The following CCNJL variants were observed in gnomAD, a reference collection of about 807,000 sequenced individuals.
CCNJL encodes cyclin-J-like protein.
A neutral mutation model predicts 33.4 loss-of-function variants in CCNJL; 33 were observed. That is an observed-to-expected ratio of 0.99 (90% CI 0.75 to 1.32). The LOEUF is 1.32. CCNJL is among the 40% of genes most tolerant of loss of function. CCNJL has a pLI of 0.00. For synonymous variants in CCNJL, 227 were observed against 220.9 expected (o/e 1.03, Z -0.24); for missense variants, 512 against 499.7 (o/e 1.02, Z -0.23).
intron 2 of CCNJL, 117 bp downstream of exon 2, chr5:160,311,741 G>A: frequency 2.1e-6 from 2 of 930,596 alleles, no homozygotes; most frequent in South Asian, 2.7e-5. Flanking sequence ...AAGGGTAAGA[G>A]GAAAAAAAGG....
At chr5:160,288,829 TAA>T (rs33916362) in intron 2 of CCNJL, among the ~76,000 whole-genome samples, 1,724 of 89,464 alleles carry the variant, frequency 0.019, 12 homozygotes, top group East Asian at 0.062. Context: ...AGACTCTGTC[TAA>T]AAAAAAAAAA....
intron 4 of CCNJL, 74 bp from the exon 5 acceptor site, chr5:160,255,782 T>C (rs537691337): frequency 4.5e-6 from 6 of 1,321,916 alleles, no homozygotes; most frequent in East Asian, 4.6e-5. Context: ...TGAGAATGGA[T>C]GGACAAATGA....
chr5:160,293,873 T>G (rs1339337135), intron 2 of CCNJL, among the ~76,000 whole-genome samples: 1 of 152,078 alleles, frequency 6.6e-6, no homozygotes, highest in African/African-American at 2.4e-5. Flanking sequence ...CAGCTCAAGG[T>G]GCAGTAAAGC....
rs1364139143 is a variant in CCNJL, at chr5:160,255,636, T to G, written c.656A>C (p.Gln219Pro). Residue 219 changes from glutamine to proline, a missense_variant, in exon 5 of 6, where the codon CAG (glutamine) becomes CCG (proline). By Grantham distance (76) the Gln-to-Pro change is moderately conservative. Transcript: ENST00000257536. ...GTCTCTGGTCCAGTAGGGAGAAAGC[T>G]GCAGGCAAATCCTGGAGGCCCCAAC... ...ACVGASRICLQLSPYWTRDLQ... is the reference protein window; with the variant it reads ...ACVGASRICLPLSPYWTRDLQ... 6.2e-7 allele frequency: 1 copy of G among 1,614,096 alleles called. No homozygotes were observed. Among genetic ancestry groups the G allele is most frequent in the South Asian group, 1.1e-5 (1 of 91,076 alleles).
At chr5:160,326,876 CA>C in intron 1 of CCNJL, 3 of 688,232 alleles carry the variant, frequency 4.4e-6, no homozygotes, top group Non-Finnish European at 8.3e-6. Context: ...TTAGATGATA[CA>C]GAAGAGATTC....
rs1763435248 is a variant in CCNJL, at chr5:160,320,822, T to TTTCC, written n.207-5318_207-5317insGGAA. On this transcript the variant is annotated intron_variant and non_coding_transcript_variant, in intron 1 of 7. Transcript: ENST00000377503. ...CTTTCTTTCTTTCTTTCTTTCTTTC[T>TTTCC]TTCTTTCTTTCTTTCTTTCTTTCTT... is the stretch of plus-strand genomic sequence containing the variant. 7.1e-5 allele frequency among the ~76,000 whole-genome samples: 8 copies of TTTCC among 113,290 alleles called. 1 individual carries two copies. Among genetic ancestry groups the TTTCC allele is most frequent in the African/African-American group, 2.9e-4 (8 of 27,204 alleles). The allele number at this position is 113,290 out of a possible 152,430, so 74.3% of individuals were successfully genotyped here.
intron 2 of CCNJL, among the ~76,000 whole-genome samples, chr5:160,287,605 C>A (rs1250212381): frequency 2.0e-5 from 3 of 152,218 alleles, no homozygotes; most frequent in African/African-American, 7.2e-5. Context: ...TGCATTCCTC[C>A]CCAGGCACTC....
chr5:160,326,723 C>T, intron 1 of CCNJL: 1 of 919,856 alleles, frequency 1.1e-6, no homozygotes, highest in Non-Finnish European at 1.8e-6. Context: ...CCAGAAAGTG[C>T]AGAAGGTTAT....
At chr5:160,282,980 T>TAC (rs1762272845) in intron 2 of CCNJL, among the ~76,000 whole-genome samples, 2 of 71,200 alleles carry the variant, frequency 2.8e-5, no homozygotes, top group Admixed American at 1.5e-4. Flanking sequence ...TATATATATA[T>TAC]ATATATATAT....
intron 3 of CCNJL, among the ~76,000 whole-genome samples, chr5:160,273,037 G>C (rs999296968): frequency 6.6e-6 from 1 of 152,230 alleles, no homozygotes; most frequent in Non-Finnish European, 1.5e-5. Context: ...GATGGAAAAA[G>C]AGGTTCCGTA....
At chr5:160,300,763 G>T (rs1762896841) in intron 2 of CCNJL, among the ~76,000 whole-genome samples, 1 of 152,154 alleles carries the variant, frequency 6.6e-6, no homozygotes, top group Non-Finnish European at 1.5e-5. Flanking sequence ...GGGCCCAAGT[G>T]ATCCTCCCAT....
At chr5:160,324,627 G>GTCTATCTATCTATCTATCTATCTA (rs60714767) in intron 1 of CCNJL, among the ~76,000 whole-genome samples, 15 of 151,688 alleles carry the variant, frequency 9.9e-5, no homozygotes, top group Non-Finnish European at 1.8e-4. Flanking sequence ...AAAACTGTCT[G>GTCTATCTATCTATCTATCTATCTA]TCTATCTATC....
At chr5:160,316,328 C>G (rs1318852769), upstream of CCNJL, among the ~76,000 whole-genome samples, 1 of 152,136 alleles carries the variant, frequency 6.6e-6, no homozygotes, top group Non-Finnish European at 1.5e-5. Flanking sequence ...CAGTTACCAT[C>G]CCTCCACCCT....
intron 3 of CCNJL, among the ~76,000 whole-genome samples, chr5:160,275,066 G>C (rs557523875): frequency 5.9e-4 from 89 of 151,498 alleles, no homozygotes; most frequent in African/African-American, 2.1e-3. Context: ...AACACATCTA[G>C]GTTTGGAAGG....
intron 2 of CCNJL, among the ~76,000 whole-genome samples, chr5:160,306,567 GA>G (rs1442646346): frequency 2.0e-5 from 3 of 152,164 alleles, no homozygotes; most frequent in African/African-American, 4.8e-5. Context: ...TTGGGAGGGA[GA>G]TTTTTTTCCC....
chr5:160,252,479 T>TA lies in CCNJL; in HGVS notation c.*898dup, dbSNP rs1435689668. 6.6e-6 allele frequency: 1 copy of TA among 152,306 alleles called. No homozygotes were observed. 9.4% of individuals were successfully genotyped at this position (152,306 alleles called of 1,614,324 possible). A position where few individuals can be genotyped will look rare whatever the true frequency, so the allele number is the denominator to read the frequency against. ...AGCTTCTCCCTCCCTGGGTAGTTAT[T>TA]AAAGTTCTAGTGGTGAACACAGCCT... On this transcript the variant is annotated 3_prime_UTR_variant, in exon 6 of 6. Transcript: ENST00000257536.
At chr5:160,314,314 A>C (rs1763352258), upstream of CCNJL, among the ~76,000 whole-genome samples, 1 of 152,258 alleles carries the variant, frequency 6.6e-6, no homozygotes, top group Non-Finnish European at 1.5e-5. Context: ...AAGTCTAGGA[A>C]AATTTAATAT....
At chr5:160,299,849 T>C (rs74572124) in intron 2 of CCNJL, among the ~76,000 whole-genome samples, 14,577 of 152,008 alleles carry the variant, frequency 0.096, 771 homozygotes, top group South Asian at 0.2. Flanking sequence ...TTTTTTTTTT[T>C]TTTACAATAA....
In CCNJL at chr5:160,311,924, C is replaced by G. The variant is rs1331857570; in HGVS notation, c.-1G>C. 1 of 1,614,058 alleles carries G rather than the reference C, an allele frequency of 6.2e-7. No individual in the cohort carries two copies. The highest frequency in any genetic ancestry group is 8.5e-7 in the Non-Finnish European group (1 of 1,179,978). ...CTTCCCACCACGGCTCATCCATCAT[C>G]GCGTACGCAGCGCCGCTATCCGAGG... On this transcript the variant is annotated 5_prime_UTR_variant, in exon 2 of 6. Coordinates refer to ENST00000257536, the MANE Select transcript of CCNJL (RefSeq NM_001308173.3).
Sources: allele counts gnomAD v4.1 joint callset (sites outside exome capture counted in the v4.1 genomes callset), GRCh38; gene constraint gnomAD v4.1.1; transcripts MANE v1.5; gene names NCBI Gene and HGNC (gene_info 2026-07-23, HGNC 2026-07-21).